Variants in GRM5 observed in about 807,000 individuals in gnomAD.
The protein encoded by GRM5 is glutamate metabotropic receptor 5, also known as metabotropic glutamate receptor 5.
In GRM5, 19 loss-of-function variants were observed where a neutral mutation model predicts 83.1. The observed-to-expected ratio is 0.23, with a 90% CI of 0.16 to 0.34. The LOEUF (loss-of-function observed/expected upper bound fraction) is 0.34, where lower values mean the gene tolerates loss of function less well. Ranked by LOEUF, GRM5 falls within the 10% of genes least tolerant of loss-of-function variation. The probability of loss-of-function intolerance (pLI) is 1.00; values close to 1 mark genes in which losing one functional copy is unlikely to be tolerated. For missense variants in GRM5, 1,160 were observed against 1,588.3 expected, an observed-to-expected ratio of 0.73 and a Z score of 4.58; for synonymous variants, 675 against 633.6, an observed-to-expected ratio of 1.07 and a Z score of -0.98.
intron 9 of GRM5, among the ~76,000 whole-genome samples, chr11:88,525,007 C>T (rs894328023): frequency 6.6e-6 from 1 of 152,132 alleles, no homozygotes; most frequent in South Asian, 2.1e-4. Context: ...TTGCAAACTC[C>T]AGAACCGTTT....
intron 8 of GRM5, among the ~76,000 whole-genome samples, chr11:88,529,793 G>A (rs1218954660): frequency 1.3e-5 from 2 of 151,976 alleles, no homozygotes; most frequent in African/African-American, 4.8e-5. Flanking sequence ...AGGCAAAAAT[G>A]AGTAGGATTT....
chr11:88,775,075 T>G (rs1240143129), intron 3 of GRM5, among the ~76,000 whole-genome samples: 2 of 152,150 alleles, frequency 1.3e-5, no homozygotes, highest in Admixed American at 1.3e-4. Context: ...GGTCCTGGAC[T>G]TTTTTTGGTT....
intron 2 of GRM5, among the ~76,000 whole-genome samples, chr11:88,969,941 G>A (rs1478921854): frequency 6.6e-6 from 1 of 151,988 alleles, no homozygotes; most frequent in African/African-American, 2.4e-5. Context: ...TATACATGAT[G>A]TTATCTCTAA....
chr11:89,041,612 A>G (rs1941536312), intron 2 of GRM5, among the ~76,000 whole-genome samples: 1 of 152,196 alleles, frequency 6.6e-6, no homozygotes, highest in South Asian at 2.1e-4. Flanking sequence ...GAGTCCATAG[A>G]CTGTTCCTTC....
At chr11:89,040,814 A>G (rs1001908996) in intron 2 of GRM5, among the ~76,000 whole-genome samples, 1 of 152,160 alleles carries the variant, frequency 6.6e-6, no homozygotes, top group Non-Finnish European at 1.5e-5. Context: ...GATGGAAGAA[A>G]AGGAGGAGGG....
At chr11:88,821,948 T>C (rs1943805117) in intron 3 of GRM5, among the ~76,000 whole-genome samples, 1 of 152,178 alleles carries the variant, frequency 6.6e-6, no homozygotes, top group South Asian at 2.1e-4. Context: ...CATTTTATCA[T>C]GAAGCGGCTT....
At chr11:88,526,717 C>A (rs1451798704) in intron 8 of GRM5, among the ~76,000 whole-genome samples, 2 of 149,484 alleles carry the variant, frequency 1.3e-5, no homozygotes, top group African/African-American at 2.5e-5. Flanking sequence ...GGGGCAGAGG[C>A]CTTCCTCTTA....
chr11:88,762,686 T>G (rs1206302826), intron 3 of GRM5, among the ~76,000 whole-genome samples: 1 of 151,948 alleles, frequency 6.6e-6, no homozygotes, highest in East Asian at 1.9e-4. Context: ...TTGGTATATA[T>G]TCAAATGAAT....
intron 3 of GRM5, among the ~76,000 whole-genome samples, chr11:88,690,180 G>A (rs1421087777): frequency 6.6e-6 from 1 of 151,930 alleles, no homozygotes; most frequent in Non-Finnish European, 1.5e-5. Flanking sequence ...ATATAACAGA[G>A]GCATCACAGT....
At chr11:88,855,976 TA>T (rs1480411934) in intron 2 of GRM5, among the ~76,000 whole-genome samples, 1 of 151,940 alleles carries the variant, frequency 6.6e-6, no homozygotes, top group African/African-American at 2.4e-5. Flanking sequence ...AAGCAGATGC[TA>T]AAAGAATGTG....
chr11:88,732,318 T>G (rs1941824809), intron 3 of GRM5, among the ~76,000 whole-genome samples: 1 of 152,084 alleles, frequency 6.6e-6, no homozygotes, highest in South Asian at 2.1e-4. Flanking sequence ...AATGAACCTA[T>G]GTCCAAAGGA....
At chr11:88,734,513 A>T (rs1941872791) in intron 3 of GRM5, among the ~76,000 whole-genome samples, 1 of 152,074 alleles carries the variant, frequency 6.6e-6, no homozygotes, top group South Asian at 2.1e-4. Flanking sequence ...TTTTTGCAAC[A>T]TTATTCACTA....
chr11:88,542,092 T>G (rs1020565319), intron 8 of GRM5, among the ~76,000 whole-genome samples: 9 of 152,218 alleles, frequency 5.9e-5, no homozygotes, highest in African/African-American at 2.2e-4. Flanking sequence ...CAATTAAACC[T>G]CTTTCCTTTA....
intron 3 of GRM5, among the ~76,000 whole-genome samples, chr11:88,761,668 T>C (rs1369371310): frequency 1.3e-5 from 2 of 151,862 alleles, no homozygotes; most frequent in Non-Finnish European, 2.9e-5. Context: ...TATCAAACTA[T>C]CAATGATACT....
intron 8 of GRM5, among the ~76,000 whole-genome samples, chr11:88,526,830 A>G (rs1003791534): frequency 6.6e-6 from 1 of 152,142 alleles, no homozygotes; most frequent in African/African-American, 2.4e-5. Context: ...TTTAACGGAC[A>G]TTAGTTGAGC....
In GRM5 at chr11:88,785,573, C is replaced by T. The variant is rs184853367; in HGVS notation, c.911+64333G>A. On this transcript the variant is annotated intron_variant, in intron 3 of 9. Coordinates refer to ENST00000305447, the MANE Select transcript of GRM5 (RefSeq NM_001143831.3). Reference sequence around the variant, plus strand: ...ATATCTAAGAATATTTGTGTACTTACGATGTTAAAAACATGATAGAAGATG... The same window carrying T: ...ATATCTAAGAATATTTGTGTACTTATGATGTTAAAAACATGATAGAAGATG... Among the ~76,000 whole-genome samples, 23 of 152,042 alleles carry T rather than the reference C, an allele frequency of 1.5e-4. 1 individual carries two copies. Among genetic ancestry groups the T allele is most frequent in the East Asian group, 5.8e-4 (3 of 5,164 alleles).
chr11:88,711,828 C>T (rs1450904463), intron 3 of GRM5, among the ~76,000 whole-genome samples: 1 of 151,922 alleles, frequency 6.6e-6, no homozygotes, highest in African/African-American at 2.4e-5. Flanking sequence ...CATCATATAA[C>T]TAGCCAATGT....
chr11:88,574,274 T>A (rs1006678690), intron 7 of GRM5, among the ~76,000 whole-genome samples: 2 of 152,196 alleles, frequency 1.3e-5, no homozygotes, highest in African/African-American at 4.8e-5. Context: ...AGTGCATGGA[T>A]AAGTCATTCT....
intron 7 of GRM5, among the ~76,000 whole-genome samples, chr11:88,573,523 T>A (rs1199077127): frequency 1.3e-5 from 2 of 152,168 alleles, no homozygotes; most frequent in African/African-American, 2.4e-5. Flanking sequence ...ATATTTTGGA[T>A]AAAGGAAGTT....
Sources: gnomAD v4.1 joint callset for allele counts (sites outside exome capture counted in the v4.1 genomes callset) on GRCh38, gnomAD v4.1.1 for gene constraint, MANE v1.5 for transcripts, NCBI Gene and HGNC (gene_info 2026-07-23, HGNC 2026-07-21) for gene names.